Variants in SLC26A7 observed in about 807,000 individuals in gnomAD.
SLC26A7 encodes anion exchange transporter.
SLC26A7 carries 59 observed loss-of-function variants against 82.5 expected under a neutral mutation model. That is an observed-to-expected ratio of 0.72 (90% CI 0.58 to 0.89). The LOEUF is 0.89. Among genes scored for constraint, SLC26A7 ranks in the 40% least tolerant of loss-of-function variants. SLC26A7 has a pLI of 0.00. For synonymous variants in SLC26A7, 271 were observed against 274.3 expected (o/e 0.99, Z 0.12); for missense variants, 820 against 793.0 (o/e 1.03, Z -0.41).
chr8:91,394,945 T>C (rs1808528897), intron 18 of SLC26A7, 117 bp from the exon 19 acceptor site: 3 of 1,215,636 alleles, frequency 2.5e-6, no homozygotes, highest in Non-Finnish European at 3.6e-6. Context: ...TCATAAAAGG[T>C]TCATTTTCTT....
At chr8:91,384,051 G>A (rs6988446) in intron 15 of SLC26A7, among the ~76,000 whole-genome samples, 45,531 of 152,066 alleles carry the variant, frequency 0.3, 8,990 homozygotes, top group African/African-American at 0.57. Context: ...TTAGTTTCCT[G>A]TTGCTGCTGT....
chr8:91,369,003 A>G (rs1814279429), intron 14 of SLC26A7, among the ~76,000 whole-genome samples: 1 of 152,218 alleles, frequency 6.6e-6, no homozygotes, highest in Admixed American at 6.5e-5. Context: ...CCTTTAAGAT[A>G]AAAACTGATC....
chr8:91,238,451 T>C (rs1488063903), intron 2 of SLC26A7, among the ~76,000 whole-genome samples: 2 of 151,746 alleles, frequency 1.3e-5, no homozygotes, highest in African/African-American at 4.8e-5. Flanking sequence ...TTTATTGATG[T>C]ATATGATATA....
At chr8:91,388,232 G>A (rs907848542) in intron 15 of SLC26A7, among the ~76,000 whole-genome samples, 1 of 151,742 alleles carries the variant, frequency 6.6e-6, no homozygotes, top group South Asian at 2.1e-4. Context: ...CCGGGTTCAC[G>A]CCGTTCTCCT....
chr8:91,279,289 T>C (rs1811502171), intron 2 of SLC26A7, among the ~76,000 whole-genome samples: 1 of 151,556 alleles, frequency 6.6e-6, no homozygotes, highest in African/African-American at 2.4e-5. Flanking sequence ...ATATACTGAT[T>C]TCATTTTCTT....
At chr8:91,379,118 A>T (rs1257359571) in intron 15 of SLC26A7, among the ~76,000 whole-genome samples, 1 of 152,062 alleles carries the variant, frequency 6.6e-6, no homozygotes, top group East Asian at 1.9e-4. Context: ...CCTACACAGG[A>T]TGAAGGTGTA....
Position 91,237,634 on chromosome 8 carries a change from C to T in SLC26A7, c.-33-11985C>T, listed in dbSNP as rs182120702. The stretch of plus-strand genomic sequence containing the variant: ...TCTTTTTCTCTCTACCGTGTCTTTT[C>T]CTCCTCTATAAACATGATTAGAGAT... On this transcript the variant is annotated intron_variant, in intron 2 of 5. Transcript: ENST00000522862. Among the ~76,000 whole-genome samples the T allele has an allele frequency of 9.9e-4, 150 of 152,212 alleles. 1 individual carries two copies. The highest frequency in any genetic ancestry group is 3.4e-3 in the African/African-American group (141 of 41,528).
intron 13 of SLC26A7, among the ~76,000 whole-genome samples, chr8:91,364,797 T>C (rs1814145872): frequency 6.6e-6 from 1 of 152,246 alleles, no homozygotes; most frequent in Admixed American, 6.5e-5. Flanking sequence ...ATGAAAATGC[T>C]AGAAATTTCT....
intron 4 of SLC26A7, among the ~76,000 whole-genome samples, chr8:91,297,275 A>G (rs1315318037): frequency 6.6e-6 from 1 of 151,972 alleles, no homozygotes; most frequent in Admixed American, 6.6e-5. Context: ...AGACCTGGCA[A>G]CCTTCTGCTT....
At chr8:91,259,566 G>C (rs911246016) in intron 2 of SLC26A7, among the ~76,000 whole-genome samples, 3 of 152,060 alleles carry the variant, frequency 2.0e-5, no homozygotes, top group Non-Finnish European at 4.4e-5. Context: ...TTCAATATCT[G>C]AATCTCACCT....
intron 4 of SLC26A7, among the ~76,000 whole-genome samples, chr8:91,315,422 G>A (rs1421139905): frequency 6.9e-6 from 1 of 145,358 alleles, no homozygotes; most frequent in Non-Finnish European, 1.5e-5. Context: ...GTGTTTTCAG[G>A]ATGAAAACCA....
chr8:91,266,950 G>T (rs529351909), intron 2 of SLC26A7, among the ~76,000 whole-genome samples: 1 of 151,870 alleles, frequency 6.6e-6, no homozygotes, highest in African/African-American at 2.4e-5. Context: ...GTCATGAAGC[G>T]ACATTGAATT....
At chr8:91,332,320 TA>T (rs964636123) in intron 5 of SLC26A7, among the ~76,000 whole-genome samples, 4 of 143,094 alleles carry the variant, frequency 2.8e-5, no homozygotes, top group Non-Finnish European at 4.6e-5. Flanking sequence ...TATATAATTA[TA>T]TAATTTATAT....
At chr8:91,238,564 TAC>T (rs1223832925) in intron 2 of SLC26A7, among the ~76,000 whole-genome samples, 10 of 148,254 alleles carry the variant, frequency 6.7e-5, no homozygotes, top group Admixed American at 1.4e-4. Flanking sequence ...CATATATATA[TAC>T]ACACACACAT....
chr8:91,363,058 A>C (rs1039213591), intron 12 of SLC26A7, among the ~76,000 whole-genome samples: 1 of 152,062 alleles, frequency 6.6e-6, no homozygotes, highest in African/African-American at 2.4e-5. Flanking sequence ...GTATTCTAAA[A>C]AATGTTGTTT....
At chr8:91,218,600 T>C (rs1025698530) in intron 1 of SLC26A7, among the ~76,000 whole-genome samples, 4 of 152,190 alleles carry the variant, frequency 2.6e-5, no homozygotes, top group Non-Finnish European at 5.9e-5. Context: ...TTCTGTATCA[T>C]TTTTTCACCT....
At position 91,389,432 on chromosome 8, in the gene SLC26A7, T is replaced by A; in HGVS notation, c.1770T>A (p.Leu590=). Residue 590 remains leucine, a synonymous_variant, in exon 16 of 19, where the codon CTT becomes CTA. Transcript: ENST00000276609. The stretch of plus-strand genomic sequence containing the variant: ...TTGACTATTCTGGAGTCTCCATGCT[T>A]GTTGAGGTATTTATGGAACTTGTGT... The part of the protein sequence containing the change: ...TFFDYSGVSM[L]VEVYMDCKGR... 1 of 1,610,018 alleles carries A rather than the reference T, an allele frequency of 6.2e-7. No homozygotes were observed.
exon 2 of SLC26A7, chr8:91,218,920 G>T (rs544885461): frequency 6.5e-7 from 1 of 1,550,166 alleles, no homozygotes; most frequent in South Asian, 1.2e-5. Context: ...TCTGAAGCTG[G>T]TGCCTCTCCA....
intron 11 of SLC26A7, among the ~76,000 whole-genome samples, chr8:91,356,235 T>C (rs1404917366): frequency 3.3e-5 from 5 of 152,226 alleles, no homozygotes; most frequent in South Asian, 4.1e-4. Context: ...ATCCTTTTGG[T>C]ATATACCCAG....
Sources: allele counts gnomAD v4.1 joint callset (sites outside exome capture counted in the v4.1 genomes callset), GRCh38; gene constraint gnomAD v4.1.1; transcripts MANE v1.5; gene names NCBI Gene and HGNC (gene_info 2026-07-23, HGNC 2026-07-21).